Variants in RIMS2 observed in about 807,000 individuals in gnomAD.
RIMS2 encodes the protein regulating synaptic membrane exocytosis protein 2.
In RIMS2, 59 loss-of-function variants were observed where a neutral mutation model predicts 174.4. The observed-to-expected ratio is 0.34, with a 90% CI of 0.27 to 0.42. The LOEUF is 0.42. Among genes scored for constraint, RIMS2 ranks in the 10% least tolerant of loss-of-function variants. The pLI is 1.00. For synonymous variants in RIMS2, 606 were observed against 572.5 expected, an observed-to-expected ratio of 1.06 and a Z score of -0.84; for missense variants, 1,620 against 1,666.3, an observed-to-expected ratio of 0.97 and a Z score of 0.48.
At chr8:103,510,147 T>G (rs1389813199) in intron 1 of RIMS2, among the ~76,000 whole-genome samples, 2 of 152,142 alleles carry the variant, frequency 1.3e-5, no homozygotes, top group Non-Finnish European at 2.9e-5. Flanking sequence ...ATCCTGTAAC[T>G]AGGCTTCTGG....
chr8:103,988,964 ATCT>A (rs2094527426), intron 16 of RIMS2, among the ~76,000 whole-genome samples: 1 of 152,202 alleles, frequency 6.6e-6, no homozygotes, highest in Non-Finnish European at 1.5e-5. Context: ...CTCCATACAA[ATCT>A]TCTCCTCTTG....
chr8:103,723,165 A>G (rs1410327558), intron 2 of RIMS2, among the ~76,000 whole-genome samples: 1 of 152,196 alleles, frequency 6.6e-6, no homozygotes, highest in African/African-American at 2.4e-5. Flanking sequence ...ATTAAAAGGT[A>G]AACCTTACCA....
intron 19 of RIMS2, among the ~76,000 whole-genome samples, chr8:104,158,762 T>C (rs1426425841): frequency 6.6e-6 from 1 of 152,190 alleles, no homozygotes; most frequent in East Asian, 1.9e-4. Context: ...TTCTTGTAAA[T>C]TTGTTTAAGT....
At chr8:103,718,537 T>C (rs775581340) in intron 2 of RIMS2, among the ~76,000 whole-genome samples, 6 of 152,186 alleles carry the variant, frequency 3.9e-5, no homozygotes, top group Non-Finnish European at 7.3e-5. Flanking sequence ...TATAACTAGA[T>C]GAAACTTTGG....
intron 2 of RIMS2, among the ~76,000 whole-genome samples, chr8:103,764,492 T>A (rs2098146068): frequency 6.6e-6 from 1 of 152,334 alleles, no homozygotes; most frequent in South Asian, 2.1e-4. Flanking sequence ...CAAGATGGCA[T>A]CAAAAGGCTG....
intron 14 of RIMS2, among the ~76,000 whole-genome samples, chr8:103,955,524 G>A (rs2086862772): frequency 6.6e-6 from 1 of 152,132 alleles, no homozygotes; most frequent in African/African-American, 2.4e-5. Context: ...AATAGATGCA[G>A]AAAAGGCCTT....
intron 19 of RIMS2, among the ~76,000 whole-genome samples, chr8:104,081,323 CATGCTTTTATTCAATAGAACATAA>C (rs2097416540): frequency 6.6e-6 from 1 of 151,934 alleles, no homozygotes; most frequent in African/African-American, 2.4e-5. Flanking sequence ...GAACATAAAA[CATGCTTTTATTCAATAGAACATAA>C]AACATGTTTT....
intron 19 of RIMS2, among the ~76,000 whole-genome samples, chr8:104,174,589 C>CAA: frequency 6.6e-6 from 1 of 152,254 alleles, no homozygotes; most frequent in East Asian, 1.9e-4. Context: ...TGGTACTTTG[C>CAA]AAAGCACTTT....
chr8:103,956,159 A>G (rs2087128664), intron 14 of RIMS2, among the ~76,000 whole-genome samples: 1 of 152,112 alleles, frequency 6.6e-6, no homozygotes, highest in Admixed American at 6.5e-5. Context: ...ACCAAAACTC[A>G]AAATGGCCAT....
exon 12 of RIMS2, chr8:103,931,338 G>C (rs779616851): frequency 6.2e-7 from 1 of 1,604,330 alleles, no homozygotes; most frequent in South Asian, 1.1e-5. Flanking sequence ...CCCTTCCAGG[G>C]AAGATGGGAG....
chr8:103,526,392 T>A (rs1353576542), intron 1 of RIMS2, among the ~76,000 whole-genome samples: 4 of 152,220 alleles, frequency 2.6e-5, no homozygotes, highest in Admixed American at 2.0e-4. Context: ...CTACAGTTTT[T>A]ACTTATAATG....
At chr8:103,628,855 G>T (rs200941329) in intron 1 of RIMS2, among the ~76,000 whole-genome samples, 1 of 151,196 alleles carries the variant, frequency 6.6e-6, no homozygotes, top group African/African-American at 2.4e-5. Context: ...GATTATACTT[G>T]CCTGCTCCAG....
At chr8:103,748,388 G>C (rs1202027009) in intron 2 of RIMS2, among the ~76,000 whole-genome samples, 2 of 151,988 alleles carry the variant, frequency 1.3e-5, no homozygotes, top group African/African-American at 4.8e-5. Flanking sequence ...GCGGCTGCAC[G>C]AGCCGTGATC....
chr8:104,135,664 A>G (rs2133230389), intron 19 of RIMS2, among the ~76,000 whole-genome samples: 1 of 151,782 alleles, frequency 6.6e-6, no homozygotes, highest in South Asian at 2.1e-4. Context: ...ATGTACACAG[A>G]GAAGCAGCAT....
At chr8:104,122,363 T>C (rs187880813) in intron 19 of RIMS2, among the ~76,000 whole-genome samples, 4 of 152,124 alleles carry the variant, frequency 2.6e-5, no homozygotes, top group Non-Finnish European at 4.4e-5. Flanking sequence ...CGTTTTTACC[T>C]GGAGCATGCA....
intron 19 of RIMS2, among the ~76,000 whole-genome samples, chr8:104,215,752 A>C (rs1371358607): frequency 6.6e-6 from 1 of 152,234 alleles, no homozygotes; most frequent in Non-Finnish European, 1.5e-5. Context: ...TGCTTGGAAC[A>C]GTGGAACAGA....
At chr8:103,913,023 A>T (rs1210846302) in intron 6 of RIMS2, among the ~76,000 whole-genome samples, 1 of 130,452 alleles carries the variant, frequency 7.7e-6, no homozygotes, top group African/African-American at 3.0e-5. Context: ...CCCAGGCTGG[A>T]GTGCAGTGGC....
chr8:103,529,562 C>T (rs137877993), intron 1 of RIMS2, among the ~76,000 whole-genome samples: 9,959 of 152,264 alleles, frequency 0.065, 403 homozygotes, highest in South Asian at 0.088. Context: ...ATTCCCTGAC[C>T]CCTTCTGCTT....
intron 15 of RIMS2, among the ~76,000 whole-genome samples, chr8:103,962,037 C>A (rs1370780518): frequency 6.6e-6 from 1 of 151,980 alleles, no homozygotes; most frequent in African/African-American, 2.4e-5. Context: ...CTCATGATTG[C>A]TTTCTTGGAG....
Sources: gnomAD v4.1 joint callset for allele counts (sites outside exome capture counted in the v4.1 genomes callset) on GRCh38, gnomAD v4.1.1 for gene constraint, MANE v1.5 for transcripts, NCBI Gene and HGNC (gene_info 2026-07-23, HGNC 2026-07-21) for gene names.